Variants in AKT3 observed in about 807,000 individuals in gnomAD.
The protein encoded by AKT3 is RAC-gamma serine/threonine-protein kinase.
In AKT3, 15 loss-of-function variants were observed where a neutral mutation model predicts 65.3. The observed-to-expected ratio is 0.23, with a 90% confidence interval of 0.15 to 0.35. AKT3 has a LOEUF of 0.35. Among genes scored for constraint, AKT3 ranks in the 10% least tolerant of loss-of-function variants. The probability of loss-of-function intolerance (pLI) is 1.00; values close to 1 mark genes in which losing one functional copy is unlikely to be tolerated. For synonymous variants in AKT3, 206 were observed against 183.8 expected (o/e 1.12, Z -0.98); for missense variants, 243 against 576.5 (o/e 0.42, Z 5.92).
At chr1:243,666,067 G>A (rs930498619) in intron 3 of AKT3, among the ~76,000 whole-genome samples, 2 of 151,982 alleles carry the variant, frequency 1.3e-5, no homozygotes, top group Admixed American at 6.6e-5. Context: ...GCAGTGGCGC[G>A]ATCTCGGCTC....
chr1:243,606,527 A>ATC (rs1251464639), intron 8 of AKT3, among the ~76,000 whole-genome samples: 1 of 152,238 alleles, frequency 6.6e-6, no homozygotes, highest in African/African-American at 2.4e-5. Flanking sequence ...ATTTGGGGGT[A>ATC]TCTGGTGGAG....
At chr1:243,704,609 G>A (rs1685676753) in intron 2 of AKT3, among the ~76,000 whole-genome samples, 1 of 152,054 alleles carries the variant, frequency 6.6e-6, no homozygotes, top group South Asian at 2.1e-4. Flanking sequence ...GTCTAACTGT[G>A]GGGAAGGGAC....
chr1:243,794,854 T>C (rs912319950), intron 2 of AKT3, among the ~76,000 whole-genome samples: 6 of 152,208 alleles, frequency 3.9e-5, no homozygotes, highest in Admixed American at 3.3e-4. Flanking sequence ...ACCATAGGAC[T>C]TTCTGCTTTC....
At chr1:243,756,281 T>C (rs1689132540) in intron 2 of AKT3, among the ~76,000 whole-genome samples, 1 of 152,112 alleles carries the variant, frequency 6.6e-6, no homozygotes, top group Non-Finnish European at 1.5e-5. Context: ...ATACCCAGAT[T>C]TAGGGTTCTA....
intron 2 of AKT3, among the ~76,000 whole-genome samples, chr1:243,772,437 T>C (rs1690248813): frequency 6.6e-6 from 1 of 151,970 alleles, no homozygotes; most frequent in Admixed American, 6.6e-5. Flanking sequence ...TATGAAAAAA[T>C]GCTCTTCATC....
At chr1:243,653,257 A>C (rs1681513590) in intron 4 of AKT3, among the ~76,000 whole-genome samples, 1 of 152,222 alleles carries the variant, frequency 6.6e-6, no homozygotes, top group African/African-American at 2.4e-5. Flanking sequence ...AGAAATGGAT[A>C]AATTCCTGGA....
At chr1:243,836,910 C>CA (rs779727098) in intron 2 of AKT3, among the ~76,000 whole-genome samples, 961 of 56,136 alleles carry the variant, frequency 0.017, 11 homozygotes, top group South Asian at 0.041. Flanking sequence ...GACTCCATCT[C>CA]AAAAAAAAAA....
intron 2 of AKT3, among the ~76,000 whole-genome samples, chr1:243,761,784 G>A (rs1689506843): frequency 6.6e-6 from 1 of 152,086 alleles, no homozygotes; most frequent in African/African-American, 2.4e-5. Flanking sequence ...TTAACTTAAT[G>A]ATGTTAAATT....
chr1:243,691,686 G>C (rs1389928892), intron 3 of AKT3, among the ~76,000 whole-genome samples: 1 of 152,182 alleles, frequency 6.6e-6, no homozygotes, highest in Non-Finnish European at 1.5e-5. Flanking sequence ...TGAGTACAAA[G>C]GAAGAAATAG....
intron 5 of AKT3, among the ~76,000 whole-genome samples, chr1:243,644,334 T>TC (rs1680648492): frequency 6.6e-6 from 1 of 152,184 alleles, no homozygotes; most frequent in Non-Finnish European, 1.5e-5. Context: ...TGTAAATTCT[T>TC]GAAAAAACCA....
chr1:243,590,556 T>C (rs1319593007), intron 8 of AKT3, among the ~76,000 whole-genome samples: 1 of 152,072 alleles, frequency 6.6e-6, no homozygotes, highest in Non-Finnish European at 1.5e-5. Flanking sequence ...ATGGAATTAA[T>C]AGATACTGAC....
At chr1:243,557,060 C>G (rs373964486) in intron 10 of AKT3, among the ~76,000 whole-genome samples, 78 of 152,232 alleles carry the variant, frequency 5.1e-4, no homozygotes, top group African/African-American at 1.8e-3. Flanking sequence ...TACTTGTATA[C>G]AGTTAACATC....
intron 13 of AKT3, chr1:243,488,999 T>A: frequency 6.2e-7 from 1 of 1,613,144 alleles, no homozygotes; most frequent in Non-Finnish European, 8.5e-7. Flanking sequence ...AATTCTGCGG[T>A]GGATTTTTCT....
At chr1:243,831,233 A>G (rs537550233) in intron 2 of AKT3, among the ~76,000 whole-genome samples, 34 of 152,352 alleles carry the variant, frequency 2.2e-4, no homozygotes, top group African/African-American at 6.5e-4. Flanking sequence ...AAACTGTACA[A>G]AATATAAAGT....
intron 3 of AKT3, among the ~76,000 whole-genome samples, chr1:243,694,590 G>A (rs1272309523): frequency 1.3e-5 from 2 of 151,012 alleles, no homozygotes; most frequent in Non-Finnish European, 3.0e-5. Flanking sequence ...TAACCCTTTG[G>A]TTTATTGTTT....
At chr1:243,539,776 T>G (rs890310295) in intron 12 of AKT3, among the ~76,000 whole-genome samples, 2 of 152,168 alleles carry the variant, frequency 1.3e-5, no homozygotes, top group Admixed American at 6.5e-5. Flanking sequence ...AAAACTCTTT[T>G]GAAATGAAAA....
intron 6 of AKT3, among the ~76,000 whole-genome samples, chr1:243,634,017 CT>C (rs1465830377): frequency 6.6e-6 from 1 of 152,038 alleles, no homozygotes; most frequent in Non-Finnish European, 1.5e-5. Flanking sequence ...TAGTACCAAA[CT>C]CTATAAAGTC....
chr1:243,700,151 G>C (rs1363486706), intron 2 of AKT3, among the ~76,000 whole-genome samples: 1 of 152,152 alleles, frequency 6.6e-6, no homozygotes, highest in Non-Finnish European at 1.5e-5. Flanking sequence ...CTTGCTAACA[G>C]AGCTAAAAAC....
intron 6 of AKT3, among the ~76,000 whole-genome samples, chr1:243,634,748 A>ATAACAATAAT (rs1423411969): frequency 6.6e-6 from 1 of 152,018 alleles, no homozygotes; most frequent in Non-Finnish European, 1.5e-5. Flanking sequence ...ACAGCAAGAT[A>ATAACAATAAT]TAACAATAAT....
Sources: gnomAD v4.1 joint callset for allele counts (sites outside exome capture counted in the v4.1 genomes callset) on GRCh38, gnomAD v4.1.1 for gene constraint, MANE v1.5 for transcripts, NCBI Gene and HGNC (gene_info 2026-07-23, HGNC 2026-07-21) for gene names.